The following SMYD4 variants were observed in gnomAD, a reference collection of about 807,000 sequenced individuals.
The protein encoded by SMYD4 is SET and MYND domain containing 4.
A neutral mutation model predicts 72.8 loss-of-function variants in SMYD4; 68 were observed. The ratio of observed to expected loss-of-function variants is 0.93; its 90% CI spans 0.77 to 1.14. The LOEUF is 1.14. SMYD4 is among the 50% of genes most tolerant of loss of function. SMYD4 has a pLI of 0.00. For synonymous variants in SMYD4, 407 were observed against 388.6 expected (o/e 1.05, Z -0.56); for missense variants, 984 against 1,003.7 (o/e 0.98, Z 0.27).
intron 5 of SMYD4, among the ~76,000 whole-genome samples, chr17:1,789,704 G>A (rs1456079020): frequency 2.9e-5 from 4 of 137,816 alleles, no homozygotes; most frequent in Admixed American, 2.4e-4. Context: ...GGTGGAGGTT[G>A]CAGTGAGCCG....
intron 2 of SMYD4, among the ~76,000 whole-genome samples, chr17:1,825,756 G>C (rs1030978292): frequency 6.6e-6 from 1 of 151,386 alleles, no homozygotes; most frequent in Non-Finnish European, 1.5e-5. Context: ...TCTCACCTTT[G>C]GCTCCCAAAG....
At chr17:1,786,082 G>C (rs1908675594) in intron 7 of SMYD4, among the ~76,000 whole-genome samples, 1 of 152,222 alleles carries the variant, frequency 6.6e-6, no homozygotes, top group Non-Finnish European at 1.5e-5. Flanking sequence ...CTCACATATG[G>C]CTCCTTCCTC....
intron 1 of SMYD4, 72 bp downstream of exon 1, chr17:1,829,654 G>C (rs1007879711): frequency 1.3e-5 from 2 of 150,752 alleles, no homozygotes; most frequent in African/African-American, 4.9e-5. Context: ...TGGACGAATC[G>C]GGTCACTACT....
chr17:1,805,621 G>T lies in SMYD4; in HGVS notation c.280-906C>A, dbSNP rs189422055. Among the ~76,000 whole-genome samples the T allele has an allele frequency of 4.0e-5, 6 of 151,768 alleles. No homozygotes were observed. In the South Asian group the frequency reaches 6.2e-4, roughly 16 times the overall value. ...GAGGTGAGGAGTTTGAGACCTGCCT[G>T]GCTAACATGGCAAAACCCCATCTCT... On this transcript the variant is annotated intron_variant, in intron 3 of 10. Transcript: ENST00000305513.
intron 7 of SMYD4, among the ~76,000 whole-genome samples, chr17:1,785,889 C>T (rs1908662757): frequency 6.6e-6 from 1 of 152,196 alleles, no homozygotes; most frequent in Non-Finnish European, 1.5e-5. Flanking sequence ...ACTCATGACT[C>T]CCCTAAGAAG....
At chr17:1,781,466 AGTT>A (rs752075266) in intron 10 of SMYD4, 27 bp from the exon 11 acceptor site, 5 of 1,607,618 alleles carry the variant, frequency 3.1e-6, no homozygotes, top group Middle Eastern at 1.7e-4. Flanking sequence ...AAGAGGAGTT[AGTT>A]CACTGATTTG....
chr17:1,797,011 GTCCTATTTTTAGATGT>G lies in SMYD4; in HGVS notation c.1537+2830_1537+2845del, dbSNP rs547122101. 7.9e-3 allele frequency among the ~76,000 whole-genome samples: 1,209 copies of G among 152,292 alleles called. 24 individuals carry two copies. The highest frequency in any genetic ancestry group is 0.028 in the African/African-American group (1,148 of 41,572). ...TTAGTAGTATCATGGGACCAGGCCA[GTCCTATTTTTAGATGT>G]TCCACGAGCTTCAGGATGGGGAAGA... On this transcript the variant is annotated intron_variant, in intron 5 of 10. Transcript: ENST00000305513.
chr17:1,796,302 T>TTTTG (rs1040728347), intron 5 of SMYD4, among the ~76,000 whole-genome samples: 6 of 146,154 alleles, frequency 4.1e-5, no homozygotes, highest in African/African-American at 1.3e-4. Context: ...CCTGGCTGTT[T>TTTTG]TTTTTTTTTT....
intron 3 of SMYD4, 123 bp downstream of exon 3, chr17:1,811,848 A>C: frequency 9.5e-7 from 1 of 1,048,074 alleles, no homozygotes; most frequent in Non-Finnish European, 1.4e-6. Context: ...GATCGCTTGA[A>C]CCCAGGAGGC....
chr17:1,825,045 C>A (rs1453691846), intron 2 of SMYD4, among the ~76,000 whole-genome samples: 2 of 152,112 alleles, frequency 1.3e-5, no homozygotes, highest in Non-Finnish European at 2.9e-5. Flanking sequence ...TTTCCTGAGG[C>A]CTTCCCAGCC....
intron 10 of SMYD4, 57 bp from the exon 11 acceptor site, chr17:1,781,496 T>C: frequency 1.3e-6 from 2 of 1,579,626 alleles, no homozygotes; most frequent in Admixed American, 1.8e-5. Flanking sequence ...AAATGTTAAT[T>C]GAGGGCCTAC....
chr17:1,808,786 C>T (rs1372267927), intron 3 of SMYD4, among the ~76,000 whole-genome samples: 1 of 152,116 alleles, frequency 6.6e-6, no homozygotes, highest in Non-Finnish European at 1.5e-5. Flanking sequence ...AAGAGATTAG[C>T]TCTGAAAAAA....
chr17:1,801,213 T>C (rs1377243355), intron 4 of SMYD4, among the ~76,000 whole-genome samples, 189 bp from the exon 5 acceptor site: 1 of 151,336 alleles, frequency 6.6e-6, no homozygotes, highest in Non-Finnish European at 1.5e-5. Context: ...GTTGAGGATA[T>C]TGTTATGCTT....
intron 5 of SMYD4, among the ~76,000 whole-genome samples, chr17:1,790,284 T>A (rs963660586): frequency 2.0e-5 from 3 of 152,346 alleles, no homozygotes; most frequent in Non-Finnish European, 4.4e-5. Flanking sequence ...AGGAACCGTG[T>A]GGGTATTTAT....
At chr17:1,807,807 C>T (rs1237873900) in intron 3 of SMYD4, among the ~76,000 whole-genome samples, 2 of 152,174 alleles carry the variant, frequency 1.3e-5, no homozygotes, top group African/African-American at 4.8e-5. Context: ...TGTATTTACA[C>T]ACGCCTGGAG....
At chr17:1,821,358 T>C (rs1910880970) in intron 2 of SMYD4, among the ~76,000 whole-genome samples, 1 of 151,516 alleles carries the variant, frequency 6.6e-6, no homozygotes, top group South Asian at 2.1e-4. Flanking sequence ...CTACTAAAAA[T>C]ACAAAATTAG....
chr17:1,826,296 C>G (rs1481232228), intron 2 of SMYD4, among the ~76,000 whole-genome samples: 1 of 151,890 alleles, frequency 6.6e-6, no homozygotes, highest in Non-Finnish European at 1.5e-5. Context: ...AGTTGGAGAC[C>G]AGCCTGCCCA....
At chr17:1,809,537 GC>G (rs1910217080) in intron 3 of SMYD4, among the ~76,000 whole-genome samples, 1 of 150,842 alleles carries the variant, frequency 6.6e-6, no homozygotes, top group Admixed American at 6.6e-5. Context: ...ACCACGCCCA[GC>G]TAATTTTTTT....
At chr17:1,801,673 C>T (rs1181180362) in intron 4 of SMYD4, among the ~76,000 whole-genome samples, 2 of 148,568 alleles carry the variant, frequency 1.3e-5, no homozygotes. Context: ...CCAAGCAGAC[C>T]TGCATTCAAA....
Sources: gnomAD v4.1 joint callset for allele counts (sites outside exome capture counted in the v4.1 genomes callset) on GRCh38, gnomAD v4.1.1 for gene constraint, MANE v1.5 for transcripts, NCBI Gene and HGNC (gene_info 2026-07-23, HGNC 2026-07-21) for gene names.